The following SUPT5H variants were observed in gnomAD, a reference collection of about 807,000 sequenced individuals.
SUPT5H encodes transcription elongation factor SPT5.
A neutral mutation model predicts 142.5 loss-of-function variants in SUPT5H; 24 were observed. That is an observed-to-expected ratio of 0.17 (90% CI 0.12 to 0.24). SUPT5H has a LOEUF of 0.24. Ranked by LOEUF, SUPT5H falls within the 10% of genes least tolerant of loss-of-function variation. The pLI, the probability that SUPT5H is intolerant of heterozygous loss-of-function variation, is 1.00. For synonymous variants in SUPT5H, 546 were observed against 553.0 expected (o/e 0.99, Z 0.18); for missense variants, 893 against 1,471.8 (o/e 0.61, Z 6.43).
chr19:39,448,379 A>C (rs1326689810), intron 2 of SUPT5H, among the ~76,000 whole-genome samples: 1 of 152,086 alleles, frequency 6.6e-6, no homozygotes, highest in Admixed American at 6.6e-5. Context: ...AGTGACAGGG[A>C]GGGCCTTTTC....
At chr19:39,457,632 T>G (rs767793850) in intron 3 of SUPT5H, 43 bp from the exon 4 acceptor site, 2 of 1,605,270 alleles carry the variant, frequency 1.2e-6, no homozygotes, top group Non-Finnish European at 1.7e-6. Context: ...GGAGCTGTTA[T>G]GAGGTCACCT....
rs1196305414 is a variant in SUPT5H at position 39,453,448 on chromosome 19, G to T, written c.168G>T (p.Glu56Asp). 3 of 1,558,192 alleles carry T rather than the reference G, an allele frequency of 1.9e-6. No individual in the cohort carries two copies. In the African/African-American group the frequency reaches 4.1e-5, roughly 21 times the overall value. Residue 56 changes from glutamate (E) to aspartate (D), a missense_variant, in exon 3 of 30, where the codon GAG (glutamate) becomes GAT (aspartate). By Grantham distance (45) the Glu-to-Asp change is conservative (BLOSUM62 2). Coordinates refer to ENST00000432763, the MANE Select transcript of SUPT5H (RefSeq NM_001111020.3). ...EEEEEEEEYD[E>D]EEEEEDDDRP... ...AGGAAGAGGAGGAGGAATACGATGA[G>T]GAAGAGGAGGAAGAAGATGATGACC...
At position 39,474,601 on chromosome 19, in the gene SUPT5H, C is replaced by G; in HGVS notation, c.2907C>G (p.Gly969=). The change falls in exon 28 of 30, where the codon GGC becomes GGG. Residue 969 remains glycine (G), a synonymous_variant. Coordinates refer to ENST00000432763, the MANE Select transcript of SUPT5H (RefSeq NM_001111020.3). The surrounding 1 kb of genome is among the most constrained non-coding windows in gnomAD (Gnocchi z 6.5). ...SPGGYNPHTP[G]SGIEQNSSDW... ...GTGGCTACAACCCACACACGCCAGGCTCAGGCATCGAGCAGAACTCCAGCG... is the reference window on the plus strand; with the variant it reads ...GTGGCTACAACCCACACACGCCAGGGTCAGGCATCGAGCAGAACTCCAGCG... The G allele has an allele frequency of 6.2e-7, 1 of 1,614,262 alleles. No homozygotes were observed. Among genetic ancestry groups the G allele is most frequent in the Non-Finnish European group, 8.5e-7 (1 of 1,180,048 alleles).
chr19:39,462,322 C>T (rs575931418), intron 10 of SUPT5H, among the ~76,000 whole-genome samples: 7 of 152,158 alleles, frequency 4.6e-5, no homozygotes, highest in East Asian at 3.9e-4. Context: ...AAAAATAAAC[C>T]GATACCCATT....
In SUPT5H at chr19:39,476,422, C is replaced by T. The variant is rs545073811; in HGVS notation, c.*23C>T. 16 of 1,613,348 alleles carry T rather than the reference C, an allele frequency of 9.9e-6. No individual in the cohort carries two copies. Among genetic ancestry groups the T allele is most frequent in the Middle Eastern group, 1.6e-4 (1 of 6,062 alleles). ...TGAAGCAGGCAGGGCCGGTGGACTT[C>T]GTCGGATGAAGAGTGATCCTCCTTC... On this transcript the variant is annotated 3_prime_UTR_variant, in exon 30 of 30. Coordinates refer to ENST00000432763, the MANE Select transcript of SUPT5H (RefSeq NM_001111020.3).
At chr19:39,446,277 C>T (rs1248159281) in intron 2 of SUPT5H, among the ~76,000 whole-genome samples, 3 of 151,996 alleles carry the variant, frequency 2.0e-5, no homozygotes, top group South Asian at 2.1e-4. Flanking sequence ...ATTTGTAGTG[C>T]CTACTATGTA....
At chr19:39,446,018 G>T in intron 2 of SUPT5H, 53 bp downstream of exon 2, 1 of 1,576,056 alleles carries the variant, frequency 6.3e-7, no homozygotes, top group Admixed American at 1.8e-5. Flanking sequence ...AGGACTCCGG[G>T]CAGAAAGGCC....
chr19:39,446,196 C>T (rs2146062218), intron 2 of SUPT5H, among the ~76,000 whole-genome samples: 1 of 152,188 alleles, frequency 6.6e-6, no homozygotes, highest in Middle Eastern at 3.4e-3. Flanking sequence ...TGAAAGTTTA[C>T]TCTGTGTGCA....
Position 39,469,513 on chromosome 19 carries a change from A to C in SUPT5H, c.1374+115A>C. 2 of 1,454,136 alleles carry C rather than the reference A, an allele frequency of 1.4e-6. No homozygotes were observed. Among genetic ancestry groups the C allele is most frequent in the Non-Finnish European group, 1.9e-6 (2 of 1,068,728 alleles). 90.1% of individuals were successfully genotyped at this position (1,454,136 alleles called of 1,614,324 possible). A position where few individuals can be genotyped will look rare whatever the true frequency, so the allele number is the denominator to read the frequency against. ...ACCTGGTTTCCAGGAGGGTAAGTTG[A>C]GGCCCTTCTAGCATTCTCAGGTGCC... On this transcript the variant is annotated intron_variant, in intron 16 of 29. Coordinates refer to ENST00000432763, the MANE Select transcript of SUPT5H (RefSeq NM_001111020.3). The surrounding 1 kb of genome is among the most constrained non-coding windows in gnomAD (Gnocchi z 5.1).
In SUPT5H at chr19:39,470,297, GAA is replaced by G. The variant is rs1190145021; in HGVS notation, c.1530+24_1530+25del. The G allele has an allele frequency of 6.4e-7, 1 of 1,553,854 alleles. No homozygotes were observed. Among genetic ancestry groups the G allele is most frequent in the Non-Finnish European group, 8.7e-7 (1 of 1,143,750 alleles). On this transcript the variant is annotated intron_variant, in intron 17 of 29. Coordinates refer to ENST00000432763, the MANE Select transcript of SUPT5H (RefSeq NM_001111020.3). The surrounding 1 kb of genome is among the most constrained non-coding windows in gnomAD (Gnocchi z 5.8). ...GAGGTAGGTGGATAGAAGGGTCGGG[GAA>G]GGGTGCACGTGCCAAGAGGAGACCC...
chr19:39,464,287 A>G (rs2079205938), intron 10 of SUPT5H, among the ~76,000 whole-genome samples: 1 of 152,144 alleles, frequency 6.6e-6, no homozygotes, highest in Non-Finnish European at 1.5e-5. Flanking sequence ...GCCCGGCTCT[A>G]GTTGCTTTTT....
Position 39,466,839 on chromosome 19 carries a change from C to A in SUPT5H, c.1037+94C>A. Reference sequence around the variant, plus strand: ...TTCCTCCCCAGGGGTGGCCCCGCCACAGGTTTAGCCTGTGAATTGGTTAGC... The same window carrying A: ...TTCCTCCCCAGGGGTGGCCCCGCCAAAGGTTTAGCCTGTGAATTGGTTAGC... On this transcript the variant is annotated intron_variant, in intron 13 of 29. Transcript: ENST00000432763. The surrounding 1 kb of genome is among the most constrained non-coding windows in gnomAD (Gnocchi z 4.3). 1 of 1,207,820 alleles carries A rather than the reference C, an allele frequency of 8.3e-7. No homozygotes were observed. Among genetic ancestry groups the A allele is most frequent in the Non-Finnish European group, 1.2e-6 (1 of 815,290 alleles). 74.8% of individuals were successfully genotyped at this position (1,207,820 alleles called of 1,614,324 possible).
Position 39,457,207 on chromosome 19 carries a change from C to T in SUPT5H, c.242-468C>T, listed in dbSNP as rs946720102. On this transcript the variant is annotated intron_variant, in intron 3 of 29. Coordinates refer to ENST00000432763, the MANE Select transcript of SUPT5H (RefSeq NM_001111020.3). ...TAAAATAGGAACAACGATAGTGCCT[C>T]CCTCGGGGTTGCCAGGAAGATCAGT... Among the ~76,000 whole-genome samples, 8 of 152,308 alleles carry T rather than the reference C, an allele frequency of 5.3e-5. No individual in the cohort carries two copies. In the South Asian group the frequency reaches 1.2e-3, roughly 24 times the overall value.
Position 39,458,769 on chromosome 19 carries a change from CCTGCCCT to C in SUPT5H, c.320-47_320-41del. On this transcript the variant is annotated intron_variant, in intron 5 of 29. Transcript: ENST00000432763. This position sits in a 1 kb window ranked among gnomAD's most constrained non-coding sequence, Gnocchi z 4.2. ...TGCACGCTCCTATTTTCTCCAGGCC[CCTGCCCT>C]CCACCTGCCCTTGCTCACGCCCTCT... The C allele has an allele frequency of 6.4e-7, 1 of 1,554,154 alleles. No homozygotes were observed.
intron 3 of SUPT5H, among the ~76,000 whole-genome samples, chr19:39,456,866 G>A (rs2079097647): frequency 6.6e-6 from 1 of 152,158 alleles, no homozygotes; most frequent in Admixed American, 6.5e-5. Flanking sequence ...GCCTTACATG[G>A]ATTTCATATA....
Position 39,471,513 on chromosome 19 carries a change from A to G in SUPT5H, c.1824+10A>G. Reference sequence around the variant, plus strand: ...TGATGGCCCCCACTCAGTGAGTACAAGTTCCTGCTTTTGAGCTGCATCTGA... The same window carrying G: ...TGATGGCCCCCACTCAGTGAGTACAGGTTCCTGCTTTTGAGCTGCATCTGA... On this transcript the variant is annotated intron_variant, in intron 19 of 29. Transcript: ENST00000432763. 6 of 1,614,192 alleles carry G rather than the reference A, an allele frequency of 3.7e-6. No individual in the cohort carries two copies. Among genetic ancestry groups the G allele is most frequent in the Non-Finnish European group, 5.1e-6 (6 of 1,179,998 alleles).
chr19:39,471,317 C>T (rs1318819235), intron 18 of SUPT5H, 40 bp from the exon 19 acceptor site: 2 of 1,613,486 alleles, frequency 1.2e-6, no homozygotes, highest in Non-Finnish European at 1.7e-6. Flanking sequence ...TCTCCCCTTC[C>T]CATTCTCACC....
rs1006541415 is a variant in SUPT5H, at chr19:39,459,968, G to A, written c.624+8G>A. The A allele has an allele frequency of 1.2e-5, 19 of 1,613,934 alleles. No homozygotes were observed. The highest frequency in any genetic ancestry group is 2.2e-5 in the East Asian group (1 of 44,890). ...TACCAGTTCACAGACACGGTAAGTC[G>A]GGTAGACAGGCGGCTTGGTGGGGAG... is the stretch of plus-strand genomic sequence containing the variant. On this transcript the variant is annotated splice_region_variant and intron_variant, in intron 10 of 29. Coordinates refer to ENST00000432763, the MANE Select transcript of SUPT5H (RefSeq NM_001111020.3).
chr19:39,465,607 C>G (rs904649982), intron 11 of SUPT5H, among the ~76,000 whole-genome samples: 1 of 152,196 alleles, frequency 6.6e-6, no homozygotes. Context: ...ACGATTATGG[C>G]ATCTAGCAGG....
Sources: gnomAD v4.1 joint callset for allele counts (sites outside exome capture counted in the v4.1 genomes callset) on GRCh38, gnomAD v4.1.1 for gene constraint, Gnocchi (gnomAD v3.1) non-coding constraint, MANE v1.5 for transcripts, NCBI Gene and HGNC (gene_info 2026-07-23, HGNC 2026-07-21) for gene names.